The following ELOVL2 variants were observed in gnomAD, a reference collection of about 807,000 sequenced individuals.
The protein encoded by ELOVL2 is ELOVL fatty acid elongase 2.
In ELOVL2, 38 loss-of-function variants were observed where a neutral mutation model predicts 37.7. That is an observed-to-expected ratio of 1.01 (90% CI 0.78 to 1.32). The LOEUF (loss-of-function observed/expected upper bound fraction) is 1.32. Ranked by LOEUF, ELOVL2 falls within the 40% of genes most tolerant of loss-of-function variation. The pLI is 0.00. For missense variants in ELOVL2, 352 were observed against 363.6 expected (o/e 0.97, Z 0.26); for synonymous variants, 115 against 122.3 (o/e 0.94, Z 0.40).
chr6:10,983,699 A>C lies in ELOVL2; in HGVS notation c.*82T>G, dbSNP rs1362152268. 5 of 1,430,806 alleles carry C rather than the reference A, an allele frequency of 3.5e-6. No individual in the cohort carries two copies. Among genetic ancestry groups the C allele is most frequent in the Non-Finnish European group, 4.7e-6 (5 of 1,068,100 alleles). The allele number at this position is 1,430,806 out of a possible 1,614,324, so 88.6% of individuals were successfully genotyped here. A position where few individuals can be genotyped will look rare whatever the true frequency, so the allele number is the denominator to read the frequency against. On this transcript the variant is annotated 3_prime_UTR_variant, in exon 8 of 8. Coordinates refer to ENST00000354666, the MANE Select transcript of ELOVL2 (RefSeq NM_017770.4). ...TCAAAAGAAATTAGTTTATCCTAAA[A>C]CATGTAACCTTCAATTCAGTCTTTG...
Position 10,995,183 on chromosome 6 carries a change from AGAAATTT to A in ELOVL2, c.334-12_334-6del. On this transcript the variant is annotated splice_polypyrimidine_tract_variant and splice_region_variant and intron_variant, in intron 4 of 7. Transcript: ENST00000354666. ...CCACCAAAGCACCTTGGCTACCTAT[AGAAATTT>A]GTAAAGGGGAGAAAAGGGTGAGAAA... 6.3e-7 allele frequency: 1 copy of A among 1,594,996 alleles called. No individual in the cohort carries two copies. Among genetic ancestry groups the A allele is most frequent in the Non-Finnish European group, 8.6e-7 (1 of 1,169,334 alleles).
intron 4 of ELOVL2, 62 bp downstream of exon 4, chr6:11,000,025 A>C (rs1244089752): frequency 5.5e-6 from 8 of 1,451,542 alleles, no homozygotes; most frequent in Non-Finnish European, 7.7e-6. Flanking sequence ...GGAAGGAGAA[A>C]ACCTCCTCTC....
In ELOVL2 at chr6:11,044,169, TG is replaced by T; in HGVS notation, c.3+58del. 6.9e-7 allele frequency: 1 copy of T among 1,440,056 alleles called. No homozygotes were observed. The highest frequency in any genetic ancestry group is 9.1e-7 in the Non-Finnish European group (1 of 1,093,226). 89.2% of individuals were successfully genotyped at this position (1,440,056 alleles called of 1,614,324 possible). On this transcript the variant is annotated intron_variant, in intron 1 of 7. Coordinates refer to ENST00000354666, the MANE Select transcript of ELOVL2 (RefSeq NM_017770.4). This position sits in a 1 kb window ranked among gnomAD's most constrained non-coding sequence, Gnocchi z 5.6. ...GCTCGGCCCTTTCCCGCCCGGTGCG[TG>T]GGTCCAGGAGAGAAAGAAAGCGCGG...
chr6:10,993,396 T>C (rs1456286848), intron 5 of ELOVL2, among the ~76,000 whole-genome samples: 2 of 152,252 alleles, frequency 1.3e-5, no homozygotes, highest in African/African-American at 4.8e-5. Flanking sequence ...GCTGAAGTTA[T>C]GCTTTACATA....
intron 7 of ELOVL2, among the ~76,000 whole-genome samples, chr6:10,986,754 T>C (rs1298519886): frequency 3.3e-5 from 5 of 152,210 alleles, no homozygotes; most frequent in African/African-American, 1.2e-4. Flanking sequence ...GGTTTGCCAG[T>C]ATTTTATTGA....
chr6:10,992,800 C>CAAAACA (rs143690228), intron 5 of ELOVL2, among the ~76,000 whole-genome samples: 30,376 of 110,944 alleles, frequency 0.27, 3,265 homozygotes, highest in Admixed American at 0.36. Flanking sequence ...AAAAACAAAA[C>CAAAACA]AAAAAAAAAC....
chr6:10,989,593 C>T (rs1186689649), intron 7 of ELOVL2, 110 bp downstream of exon 7: 2 of 1,067,422 alleles, frequency 1.9e-6, no homozygotes, highest in East Asian at 2.6e-5. Context: ...GAGCTGAGAT[C>T]ATGCCACTGC....
chr6:11,038,648 TAA>T (rs1783052895), intron 1 of ELOVL2, among the ~76,000 whole-genome samples: 1 of 152,174 alleles, frequency 6.6e-6, no homozygotes, highest in South Asian at 2.1e-4. Flanking sequence ...TTAATTTCAT[TAA>T]AAACTTATGA....
At chr6:11,035,488 C>T (rs1782993129) in intron 1 of ELOVL2, among the ~76,000 whole-genome samples, 1 of 152,190 alleles carries the variant, frequency 6.6e-6, no homozygotes, top group Admixed American at 6.5e-5. Context: ...TTTCTCCTCT[C>T]ACTGAATTGA....
At chr6:11,018,199 A>G (rs1782713764) in intron 1 of ELOVL2, among the ~76,000 whole-genome samples, 1 of 152,206 alleles carries the variant, frequency 6.6e-6, no homozygotes, top group African/African-American at 2.4e-5. Flanking sequence ...GAACCCTTTT[A>G]TAAGTCTATG....
intron 1 of ELOVL2, among the ~76,000 whole-genome samples, chr6:11,042,868 T>A (rs189694927): frequency 2.6e-5 from 4 of 152,292 alleles, no homozygotes; most frequent in African/African-American, 4.8e-5. Context: ...ATCAAGTACC[T>A]ACTGTGCGCC....
chr6:11,020,371 T>C (rs556560570), intron 1 of ELOVL2, among the ~76,000 whole-genome samples: 1 of 152,334 alleles, frequency 6.6e-6, no homozygotes, highest in Non-Finnish European at 1.5e-5. Flanking sequence ...ATACAAAGAT[T>C]AGCGATAAGA....
At chr6:11,039,035 G>GGTTA (rs1219429409) in intron 1 of ELOVL2, among the ~76,000 whole-genome samples, 1 of 152,172 alleles carries the variant, frequency 6.6e-6, no homozygotes, top group Non-Finnish European at 1.5e-5. Flanking sequence ...TTAGTAGAGT[G>GGTTA]GTTAGGGTAG....
chr6:11,012,069 C>T (rs1049117162), intron 1 of ELOVL2, among the ~76,000 whole-genome samples: 6 of 152,168 alleles, frequency 3.9e-5, no homozygotes, highest in Non-Finnish European at 2.9e-5. Context: ...ATGTTTGCTG[C>T]CTGGCACATA....
chr6:10,989,665 G>A (rs779862604), intron 7 of ELOVL2, 38 bp downstream of exon 7: 9 of 1,582,088 alleles, frequency 5.7e-6, no homozygotes, highest in Non-Finnish European at 7.7e-6. Flanking sequence ...AGTGCCAATC[G>A]ATTACATTTT....
intron 2 of ELOVL2, among the ~76,000 whole-genome samples, chr6:11,010,501 T>C (rs1782556051): frequency 6.6e-6 from 1 of 152,204 alleles, no homozygotes; most frequent in South Asian, 2.1e-4. Context: ...GAGGAAAGCA[T>C]TGCATTTCAC....
rs1782121799 is a variant in ELOVL2, at chr6:10,989,930, T to G, written c.631-93A>C. ...CTTGATCAATTCAGAAATCAACTCC[T>G]AGGACTCTTGGAATTATGTAGGAAC... On this transcript the variant is annotated intron_variant, in intron 6 of 7. Transcript: ENST00000354666. The G allele has an allele frequency of 4.3e-5, 61 of 1,428,748 alleles. No individual in the cohort carries two copies. The South Asian group carries it at 7.4e-4, about 17-fold the overall frequency. 88.5% of individuals were successfully genotyped at this position (1,428,748 alleles called of 1,614,324 possible).
Position 10,981,536 on chromosome 6 carries a change from G to C in ELOVL2, c.*2245C>G, listed in dbSNP as rs564898933. 1 of 152,600 alleles carries C rather than the reference G, an allele frequency of 6.6e-6. No homozygotes were observed. Among genetic ancestry groups the C allele is most frequent in the Non-Finnish European group, 1.5e-5 (1 of 68,036 alleles). The allele number at this position is 152,600 out of a possible 1,614,324, so 9.5% of individuals were successfully genotyped here. On this transcript the variant is annotated 3_prime_UTR_variant, in exon 8 of 8. Transcript: ENST00000354666. ...ACATCATGAATGAAACCTCTCTCTA[G>C]TCACTGGCATTAGTTTGAAAGTATA...
At chr6:10,991,247 A>G (rs1286638739) in intron 5 of ELOVL2, among the ~76,000 whole-genome samples, 3 of 152,226 alleles carry the variant, frequency 2.0e-5, no homozygotes, top group Non-Finnish European at 4.4e-5. Context: ...GAAATAAGGA[A>G]ACTCAGTGTT....
Sources: allele counts gnomAD v4.1 joint callset (sites outside exome capture counted in the v4.1 genomes callset), GRCh38; gene constraint gnomAD v4.1.1; non-coding constraint Gnocchi (gnomAD v3.1); transcripts MANE v1.5; gene names NCBI Gene and HGNC (gene_info 2026-07-23, HGNC 2026-07-21).